MPO: variants seen among roughly 807,000 people sequenced by gnomAD.
MPO encodes the protein myeloperoxidase.
In MPO, 57 loss-of-function variants were observed where a neutral mutation model predicts 69.4. The observed-to-expected ratio is 0.82, with a 90% CI of 0.66 to 1.02. The LOEUF (loss-of-function observed/expected upper bound fraction) is 1.02. Among genes scored for constraint, MPO ranks in the 50% least tolerant of loss-of-function variants. The probability of loss-of-function intolerance (pLI) is 0.00; values close to 1 mark genes in which losing one functional copy is unlikely to be tolerated. For missense variants in MPO, 971 were observed against 1,014.1 expected, an observed-to-expected ratio of 0.96 and a Z score of 0.58; for synonymous variants, 426 against 417.1, an observed-to-expected ratio of 1.02 and a Z score of -0.26.
intron 2 of MPO, 47 bp from the exon 3 acceptor site, chr17:58,280,061 C>A: frequency 6.2e-7 from 1 of 1,606,738 alleles, no homozygotes; most frequent in Non-Finnish European, 8.5e-7. Context: ...GATACAGACC[C>A]ACCCAGCAGA....
intron 6 of MPO, among the ~76,000 whole-genome samples, chr17:58,278,507 TCTC>T (rs1484149274): frequency 6.6e-6 from 1 of 151,928 alleles, no homozygotes; most frequent in African/African-American, 2.4e-5. Context: ...CTCTCCTTTC[TCTC>T]CTCCTCCTTC....
At chr17:58,277,011 G>A (rs143481927) in intron 7 of MPO, among the ~76,000 whole-genome samples, 32 of 152,210 alleles carry the variant, frequency 2.1e-4, no homozygotes, top group Non-Finnish European at 4.4e-4. Flanking sequence ...AGGAGGCTGA[G>A]GCAGAAGAAT....
Position 58,271,760 on chromosome 17 carries a change from A to T in MPO, c.1925T>A (p.Ile642Asn). ...AGGCTCGGACACGCCGCCCATCCAG[A>T]TGTCGATGTTGTTGGGCGTGCCATA... ...EQYGTPNNID[I>N]WMGGVSEPLK... is the part of the protein sequence containing the mutation. Residue 642 changes from isoleucine (I) to asparagine (N), a missense_variant, in exon 11 of 12, where the codon ATC becomes AAC. By Grantham distance (149) the Ile-to-Asn change is moderately radical. Coordinates refer to ENST00000225275, the MANE Select transcript of MPO (RefSeq NM_000250.2). The T allele has an allele frequency of 6.2e-7, 1 of 1,614,058 alleles. No individual in the cohort carries two copies. The highest frequency in any genetic ancestry group is 8.5e-7 in the Non-Finnish European group (1 of 1,180,038).
At position 58,280,022 on chromosome 17, in the gene MPO, G is replaced by C. The variant is rs756498989; in HGVS notation, c.249-8C>G. ...CGAAGCCGCTGCTTGATGCTGCTTGGAGAAAGGAGGAGTGAGGGCCAGAGA... is the reference window on the plus strand; with the variant it reads ...CGAAGCCGCTGCTTGATGCTGCTTGCAGAAAGGAGGAGTGAGGGCCAGAGA... On this transcript the variant is annotated splice_polypyrimidine_tract_variant and splice_region_variant and intron_variant, in intron 2 of 11. Transcript: ENST00000225275. 6.8e-6 allele frequency: 11 copies of C among 1,611,964 alleles called. No homozygotes were observed. In the African/African-American group the frequency reaches 1.3e-4, roughly 20 times the overall value.
At position 58,279,295 on chromosome 17, in the gene MPO, A is replaced by G. The variant is rs777076776; in HGVS notation, c.678+2T>C. 3.2e-6 allele frequency: 5 copies of G among 1,564,356 alleles called. No homozygotes were observed. Among genetic ancestry groups the G allele is most frequent in the African/African-American group, 1.4e-5 (1 of 73,830 alleles). On this transcript the variant is annotated splice_donor_variant, in intron 5 of 11. Coordinates refer to ENST00000225275, the MANE Select transcript of MPO (RefSeq NM_000250.2). LOFTEE classifies it high-confidence loss of function. The stretch of plus-strand genomic sequence containing the variant: ...TCGCCCCCTCTGCCCGCCGGCGCTC[A>G]CCAGAGCCACCGGGAAGCCGTTGCG...
intron 8 of MPO, 61 bp from the exon 9 acceptor site, chr17:58,273,730 G>A: frequency 1.9e-6 from 3 of 1,612,640 alleles, no homozygotes; most frequent in Non-Finnish European, 2.5e-6. Context: ...ATGCCGCCTG[G>A]CAGCACAGGA....
Position 58,278,570 on chromosome 17 carries a change from C to T in MPO, c.886-425G>A, listed in dbSNP as rs531034946. 4.6e-5 allele frequency among the ~76,000 whole-genome samples: 7 copies of T among 152,282 alleles called. No individual in the cohort carries two copies. The East Asian group carries it at 5.8e-4, about 13-fold the overall frequency. On this transcript the variant is annotated intron_variant, in intron 6 of 11. Coordinates refer to ENST00000225275, the MANE Select transcript of MPO (RefSeq NM_000250.2). ...CCTGCCCACTCCCAGCCCTGTCCCA[C>T]GGCACCCACCAGACCCCCAGGCTCT...
At chr17:58,271,950 G>A in intron 10 of MPO, 58 bp from the exon 11 acceptor site, 1 of 1,559,328 alleles carries the variant, frequency 6.4e-7, no homozygotes, top group Non-Finnish European at 8.8e-7. Context: ...AAGGTGGGGA[G>A]GTCACTGGAG....
rs1265189958 is a variant in MPO, at chr17:58,280,626, G to T, written c.133C>A (p.Pro45Thr). The T allele has an allele frequency of 1.2e-6, 2 of 1,614,240 alleles. No individual in the cohort carries two copies. The highest frequency in any genetic ancestry group is 8.5e-7 in the Non-Finnish European group (1 of 1,180,042). Residue 45 changes from proline (P) to threonine (T), a missense_variant, in exon 1 of 12, where the codon CCC becomes ACC. Pro to Thr is a conservative substitution (Grantham distance 38). Transcript: ENST00000225275. ...TTACCTGGAGCAGCACCTTCAGAGG[G>T]CTGGGGCGTGGCCAGAATGGCCAGG... ...GLLAILATPQ[P>T]SEGAAPAVLG...
rs34151601 is a variant in MPO, at chr17:58,277,230, A to G, written c.1204+597T>C. Among the ~76,000 whole-genome samples, 5 of 152,220 alleles carry G rather than the reference A, an allele frequency of 3.3e-5. No homozygotes were observed. The East Asian group carries it at 9.7e-4, about 29-fold the overall frequency. On this transcript the variant is annotated intron_variant, in intron 7 of 11. Coordinates refer to ENST00000225275, the MANE Select transcript of MPO (RefSeq NM_000250.2). Reference sequence around the variant, plus strand: ...TCATCTCTTATTATGGGTAATTAAGATGCGCAGGAGGGGATATTTTGGAGC... The same window carrying G: ...TCATCTCTTATTATGGGTAATTAAGGTGCGCAGGAGGGGATATTTTGGAGC...
chr17:58,272,427 C>A (rs550658766), intron 10 of MPO, among the ~76,000 whole-genome samples: 1 of 152,308 alleles, frequency 6.6e-6, no homozygotes, highest in Admixed American at 6.5e-5. Flanking sequence ...CAATAATAAT[C>A]TCTTCCCCCA....
Position 58,280,387 on chromosome 17 carries a change from G to A in MPO, c.227C>T (p.Ala76Val). 6.2e-7 allele frequency: 1 copy of A among 1,614,064 alleles called. No homozygotes were observed. The highest frequency in any genetic ancestry group is 8.5e-7 in the Non-Finnish European group (1 of 1,179,986). The change falls in exon 2 of 12, where the codon GCC (alanine) becomes GTC (valine). Residue 76 changes from alanine to valine, a missense_variant. Ala to Val is a moderately conservative substitution (Grantham distance 64, BLOSUM62 0). Transcript: ENST00000225275. ...MEEAKQLVDK[A>V]YKERRESIKQ... ...CCACCTTTCCCGCCGCTCCTTGTAG[G>A]CCTTGTCCACCAGCTGCTTGGCCTC...
rs543876617 is a variant in MPO at position 58,279,643 on chromosome 17, A to G, written c.428T>C (p.Val143Ala). 9.2e-5 allele frequency: 149 copies of G among 1,614,102 alleles called. 3 individuals are homozygous for G. In the South Asian group the frequency reaches 1.5e-3, roughly 17 times the overall value. The change falls in exon 4 of 12, where the codon GTG becomes GCG. Residue 143 changes from valine to alanine, a missense_variant. Coordinates refer to ENST00000225275, the MANE Select transcript of MPO (RefSeq NM_000250.2). ...LWRRPFNVTD[V>A]LTPAQLNVLS... ...CACATTCAGCTGGGCGGGCGTCAGCACATCTGCCGGGGGAAAGAACAATGG... is the reference window on the plus strand; with the variant it reads ...CACATTCAGCTGGGCGGGCGTCAGCGCATCTGCCGGGGGAAAGAACAATGG...
At position 58,272,677 on chromosome 17, in the gene MPO, G is replaced by C. The variant is rs1201302063; in HGVS notation, c.1792+71C>G. 23 of 1,549,218 alleles carry C rather than the reference G, an allele frequency of 1.5e-5. No individual in the cohort carries two copies. In the South Asian group the frequency reaches 1.7e-4, roughly 12 times the overall value. ...AGGGCAGGGACCCTAGAGTGGGAAG[G>C]GGGGTGATGGGCTACCTAGGAGGCA... On this transcript the variant is annotated intron_variant, in intron 10 of 11. Coordinates refer to ENST00000225275, the MANE Select transcript of MPO (RefSeq NM_000250.2).
In MPO at chr17:58,273,465, G is replaced by A. The variant is rs1411871686; in HGVS notation, c.1570C>T (p.Arg524Cys). 6.2e-7 allele frequency: 1 copy of A among 1,614,108 alleles called. No homozygotes were observed. The highest frequency in any genetic ancestry group is 1.3e-5 in the African/African-American group (1 of 74,932). Residue 524 changes from arginine (R) to cysteine (C), a missense_variant, in exon 9 of 12, where the codon CGT (arginine) becomes TGT (cysteine). Coordinates refer to ENST00000225275, the MANE Select transcript of MPO (RefSeq NM_000250.2). Reference sequence around the variant, plus strand: ...AAAAAGACCCTGCTGAGGGGGACACGGGGGTTGGGTTCCATGGGCTGGTAC... The same window carrying A: ...AAAAAGACCCTGCTGAGGGGGACACAGGGGTTGGGTTCCATGGGCTGGTAC... ...NRYQPMEPNP[R>C]VPLSRVFFAS...
At chr17:58,280,073 C>T in intron 2 of MPO, 59 bp from the exon 3 acceptor site, 1 of 1,601,898 alleles carries the variant, frequency 6.2e-7, no homozygotes, top group Non-Finnish European at 8.5e-7. Flanking sequence ...CCCAGCAGAG[C>T]CCCAGCCCAG....
chr17:58,279,095 G>C lies in MPO; in HGVS notation c.798C>G (p.Thr266=). 1 of 1,613,186 alleles carries C rather than the reference G, an allele frequency of 6.2e-7. No individual in the cohort carries two copies. The highest frequency in any genetic ancestry group is 8.5e-7 in the Non-Finnish European group (1 of 1,179,662). ...AGGAGGCCCGGGCGGCCGGCTCAGGGGTGAAGTCGAGGTCGTGGTCCAACA... is the reference window on the plus strand; with the variant it reads ...AGGAGGCCCGGGCGGCCGGCTCAGGCGTGAAGTCGAGGTCGTGGTCCAACA... The part of the protein sequence containing the change: ...GQLLDHDLDF[T]PEPAARASFV... Residue 266 remains threonine (T), a synonymous_variant, in exon 6 of 12, where the codon ACC becomes ACG. Transcript: ENST00000225275.
At chr17:58,276,810 T>A (rs1462671931) in intron 7 of MPO, among the ~76,000 whole-genome samples, 2 of 152,120 alleles carry the variant, frequency 1.3e-5, no homozygotes, top group African/African-American at 4.8e-5. Flanking sequence ...GGTTTACATT[T>A]AAAAACACTG....
rs1228531672 is a variant in MPO, at chr17:58,273,511, G to A, written c.1524C>T (p.Phe508=). The change falls in exon 9 of 12, where the codon TTC becomes TTT. Residue 508 remains phenylalanine, a synonymous_variant. Coordinates refer to ENST00000225275, the MANE Select transcript of MPO (RefSeq NM_000250.2). Reference sequence around the variant, plus strand: ...GGTACCGATTGTCCAGGCGGAACATGAAGGGTTGGATGAGGGTGTGGCCGT... The same window carrying A: ...GGTACCGATTGTCCAGGCGGAACATAAAGGGTTGGATGAGGGTGTGGCCGT... ...FRYGHTLIQP[F]MFRLDNRYQP... The A allele has an allele frequency of 2.5e-6, 4 of 1,614,234 alleles. No homozygotes were observed. Among genetic ancestry groups the A allele is most frequent in the Non-Finnish European group, 3.4e-6 (4 of 1,180,040 alleles).
Sources: allele counts gnomAD v4.1 joint callset (sites outside exome capture counted in the v4.1 genomes callset), GRCh38; gene constraint gnomAD v4.1.1; transcripts MANE v1.5; gene names NCBI Gene and HGNC (gene_info 2026-07-23, HGNC 2026-07-21).